The following KCNH1 variants were observed in gnomAD, a reference collection of about 807,000 sequenced individuals.
The protein encoded by KCNH1 is potassium voltage-gated channel subfamily H member 1.
Under a neutral mutation model 69.2 loss-of-function variants are expected in KCNH1, and 27 were observed. That is an observed-to-expected ratio of 0.39 (90% CI 0.29 to 0.54). The LOEUF (loss-of-function observed/expected upper bound fraction) is 0.54, where lower values mean the gene tolerates loss of function less well. Among genes scored for constraint, KCNH1 ranks in the 20% least tolerant of loss-of-function variants. The pLI is 0.68. For missense variants in KCNH1, 798 were observed against 1,261.6 expected (o/e 0.63, Z 5.57); for synonymous variants, 456 against 487.7 (o/e 0.93, Z 0.86).
At chr1:210,949,678 T>C (rs1045143945) in intron 6 of KCNH1, among the ~76,000 whole-genome samples, 2 of 152,162 alleles carry the variant, frequency 1.3e-5, no homozygotes, top group Non-Finnish European at 2.9e-5. Context: ...AATGCCCAGG[T>C]TTCTGCTGTT....
At chr1:211,022,061 C>T (rs1461266906) in intron 5 of KCNH1, among the ~76,000 whole-genome samples, 2 of 152,098 alleles carry the variant, frequency 1.3e-5, no homozygotes, top group Non-Finnish European at 2.9e-5. Flanking sequence ...AATCACATTA[C>T]CTGACTTCAA....
chr1:210,710,774 CAG>C (rs1491568938), intron 10 of KCNH1, among the ~76,000 whole-genome samples: 1 of 150,396 alleles, frequency 6.6e-6, no homozygotes, highest in East Asian at 1.9e-4. Flanking sequence ...CTGCTCTGCA[CAG>C]ACTCTGTGCT....
intron 6 of KCNH1, among the ~76,000 whole-genome samples, chr1:210,979,419 C>T (rs1185887245): frequency 6.6e-6 from 1 of 152,180 alleles, no homozygotes; most frequent in Non-Finnish European, 1.5e-5. Flanking sequence ...GATTTGCCAA[C>T]CTCACTGAGC....
At chr1:210,725,505 AC>A (rs1353085494) in intron 10 of KCNH1, among the ~76,000 whole-genome samples, 1 of 152,118 alleles carries the variant, frequency 6.6e-6, no homozygotes, top group Non-Finnish European at 1.5e-5. Context: ...TAAATGATGG[AC>A]CTGCCTATGG....
At chr1:210,824,383 G>T (rs556674040) in intron 7 of KCNH1, among the ~76,000 whole-genome samples, 409 of 151,964 alleles carry the variant, frequency 2.7e-3, no homozygotes, top group Non-Finnish European at 4.8e-3. Flanking sequence ...TTAAACCTGA[G>T]AAATTTTTAG....
chr1:211,077,364 C>T (rs572226537), intron 5 of KCNH1, among the ~76,000 whole-genome samples: 2 of 152,200 alleles, frequency 1.3e-5, no homozygotes, highest in Non-Finnish European at 2.9e-5. Context: ...GTAGAAAGGT[C>T]GAGTTACCCA....
intron 6 of KCNH1, among the ~76,000 whole-genome samples, chr1:210,922,409 A>C (rs28679491): frequency 0.053 from 6,239 of 118,614 alleles, 373 homozygotes; most frequent in East Asian, 0.23. Context: ...AAAAAAAAAA[A>C]AAAAAAAAAA....
At chr1:210,846,721 T>C (rs990596066) in intron 7 of KCNH1, among the ~76,000 whole-genome samples, 1 of 151,884 alleles carries the variant, frequency 6.6e-6, no homozygotes, top group African/African-American at 2.4e-5. Flanking sequence ...AAAGCCAAAA[T>C]TGACAAATGG....
intron 5 of KCNH1, among the ~76,000 whole-genome samples, chr1:211,059,385 A>T (rs1044981129): frequency 1.3e-5 from 2 of 152,164 alleles, no homozygotes; most frequent in African/African-American, 4.8e-5. Flanking sequence ...TTGTAAATAC[A>T]TATGCACCCA....
At chr1:210,890,588 A>T (rs1686722342) in intron 7 of KCNH1, among the ~76,000 whole-genome samples, 1 of 152,194 alleles carries the variant, frequency 6.6e-6, no homozygotes, top group African/African-American at 2.4e-5. Context: ...AAAAGGAACT[A>T]TCATCAGAGT....
intron 7 of KCNH1, among the ~76,000 whole-genome samples, chr1:210,835,496 T>C (rs1685262702): frequency 6.6e-6 from 1 of 152,172 alleles, no homozygotes; most frequent in South Asian, 2.1e-4. Context: ...TGCGAGCCTC[T>C]ACCACTAGGT....
chr1:211,026,640 C>A (rs2102419427), intron 5 of KCNH1, among the ~76,000 whole-genome samples: 1 of 152,244 alleles, frequency 6.6e-6, no homozygotes, highest in East Asian at 1.9e-4. Context: ...ATATTCCAGC[C>A]AGAAAAGGCC....
rs1684479560 is a variant in KCNH1 at position 210,803,953 on chromosome 1, C to CA, written c.1662+13_1662+14insT. Reference sequence around the variant, plus strand: ...AAAGACAAATGGTTTCCCTGAGCTCCTCATCCTCCTTACCTTCTCTGTGTC... The same window carrying CA: ...AAAGACAAATGGTTTCCCTGAGCTCCATCATCCTCCTTACCTTCTCTGTGTC... On this transcript the variant is annotated intron_variant, in intron 8 of 10. Coordinates refer to ENST00000271751, the MANE Select transcript of KCNH1 (RefSeq NM_172362.3). The CA allele has an allele frequency of 3.1e-6, 5 of 1,611,494 alleles. No homozygotes were observed. The highest frequency in any genetic ancestry group is 3.4e-6 in the Non-Finnish European group (4 of 1,178,172).
chr1:210,909,048 T>A (rs1318216656), intron 7 of KCNH1, among the ~76,000 whole-genome samples: 2 of 152,226 alleles, frequency 1.3e-5, no homozygotes, highest in African/African-American at 4.8e-5. Context: ...CTCTAGCTGA[T>A]GAGAGCTGAA....
At chr1:210,827,870 A>G (rs1685066478) in intron 7 of KCNH1, among the ~76,000 whole-genome samples, 1 of 152,060 alleles carries the variant, frequency 6.6e-6, no homozygotes, top group Non-Finnish European at 1.5e-5. Context: ...TTGGAGACAA[A>G]GTCACTCTCA....
intron 7 of KCNH1, among the ~76,000 whole-genome samples, chr1:210,910,644 T>A (rs1687210535): frequency 6.6e-6 from 1 of 152,208 alleles, no homozygotes; most frequent in Non-Finnish European, 1.5e-5. Flanking sequence ...GCCTTCACCA[T>A]TCACAAGAAG....
chr1:210,982,805 A>T (rs542622757), intron 6 of KCNH1, among the ~76,000 whole-genome samples: 3 of 152,314 alleles, frequency 2.0e-5, no homozygotes, highest in South Asian at 4.2e-4. Flanking sequence ...TGGCTGGGTC[A>T]AATGGTATTT....
intron 5 of KCNH1, among the ~76,000 whole-genome samples, chr1:211,060,560 GA>G (rs1034382247): frequency 1.1e-4 from 16 of 150,186 alleles, no homozygotes; most frequent in African/African-American, 3.4e-4. Context: ...TTTTTGAAAA[GA>G]AAAAAATCAA....
intron 7 of KCNH1, among the ~76,000 whole-genome samples, chr1:210,828,997 G>T (rs1429913383): frequency 6.6e-6 from 1 of 152,210 alleles, no homozygotes; most frequent in East Asian, 1.9e-4. Flanking sequence ...GGCAGGAAAG[G>T]AAGGCCATCA....
Sources: gnomAD v4.1 joint callset for allele counts (sites outside exome capture counted in the v4.1 genomes callset) on GRCh38, gnomAD v4.1.1 for gene constraint, MANE v1.5 for transcripts, NCBI Gene and HGNC (gene_info 2026-07-23, HGNC 2026-07-21) for gene names.